Variants in SDK1 observed in about 807,000 individuals in gnomAD.
SDK1 encodes the protein sidekick cell adhesion molecule 1.
SDK1 carries 157 observed loss-of-function variants against 245.5 expected under a neutral mutation model. The observed-to-expected ratio is 0.64, with a 90% CI of 0.56 to 0.73. The LOEUF is 0.73. Ranked by LOEUF, SDK1 falls within the 30% of genes least tolerant of loss-of-function variation. The probability of loss-of-function intolerance (pLI) is 0.00; values close to 1 mark genes in which losing one functional copy is unlikely to be tolerated. For missense variants in SDK1, 3,583 were observed against 3,002.3 expected, an observed-to-expected ratio of 1.19 and a Z score of -4.52; for synonymous variants, 1,647 against 1,278.5, an observed-to-expected ratio of 1.29 and a Z score of -6.15.
chr7:3,471,030 C>T (rs954049431), intron 1 of SDK1, among the ~76,000 whole-genome samples: 1 of 152,150 alleles, frequency 6.6e-6, no homozygotes. Flanking sequence ...AGTTGACCAA[C>T]AAGATTCCAT....
At chr7:3,448,273 C>T (rs543807502) in intron 1 of SDK1, among the ~76,000 whole-genome samples, 4 of 152,106 alleles carry the variant, frequency 2.6e-5, no homozygotes, top group South Asian at 2.1e-4. Context: ...TGAAGTTGAA[C>T]GGCTTATGTT....
intron 5 of SDK1, among the ~76,000 whole-genome samples, chr7:3,919,734 C>G (rs187951547): frequency 6.6e-6 from 1 of 152,186 alleles, no homozygotes; most frequent in African/African-American, 2.4e-5. Flanking sequence ...CTTGAAAGAA[C>G]GTATGGTTTT....
chr7:4,011,232 A>G, intron 15 of SDK1, 119 bp downstream of exon 15: 1 of 1,277,594 alleles, frequency 7.8e-7, no homozygotes, highest in Non-Finnish European at 1.1e-6. Flanking sequence ...CCTCAGGGAG[A>G]CGGGACAAAC....
intron 13 of SDK1, among the ~76,000 whole-genome samples, chr7:3,977,373 C>T (rs1455505751): frequency 1.6e-5 from 2 of 122,454 alleles, no homozygotes; most frequent in East Asian, 2.0e-4. Flanking sequence ...GAGGCTGCCA[C>T]ACAGACGGTC....
At chr7:4,196,280 A>G (rs1020972211) in intron 35 of SDK1, among the ~76,000 whole-genome samples, 9 of 152,138 alleles carry the variant, frequency 5.9e-5, no homozygotes, top group African/African-American at 2.2e-4. Context: ...GCCCTCGCTC[A>G]GACCACCCTC....
intron 5 of SDK1, among the ~76,000 whole-genome samples, chr7:3,943,358 C>CCTCCT: frequency 2.4e-4 from 1 of 4,238 alleles, no homozygotes; most frequent in Non-Finnish European, 5.6e-4. Flanking sequence ...GCCTCTGCCT[C>CCTCCT]CCCGTCCCCT....
At chr7:3,535,448 C>G (rs1778854719) in intron 1 of SDK1, among the ~76,000 whole-genome samples, 2 of 152,082 alleles carry the variant, frequency 1.3e-5, no homozygotes, top group African/African-American at 2.4e-5. Flanking sequence ...TACTTTGCAC[C>G]ATATGGCTGC....
chr7:3,531,362 A>T (rs1486007001), intron 1 of SDK1, among the ~76,000 whole-genome samples: 1 of 152,246 alleles, frequency 6.6e-6, no homozygotes, highest in Non-Finnish European at 1.5e-5. Flanking sequence ...AGTAGTAAGA[A>T]ATATGACAGA....
intron 16 of SDK1, among the ~76,000 whole-genome samples, chr7:4,012,461 A>G (rs977134943): frequency 2.0e-5 from 3 of 150,086 alleles, no homozygotes; most frequent in Middle Eastern, 3.2e-3. Flanking sequence ...TAAATGACAC[A>G]CACAAAACTG....
intron 27 of SDK1, among the ~76,000 whole-genome samples, chr7:4,131,283 G>GC (rs1243982498): frequency 6.6e-6 from 1 of 152,194 alleles, no homozygotes; most frequent in African/African-American, 2.4e-5. Flanking sequence ...CTGTAGACAT[G>GC]CCTTCCTCCT....
intron 1 of SDK1, among the ~76,000 whole-genome samples, chr7:3,377,770 CATTT>C (rs1200962613): frequency 1.3e-5 from 2 of 151,894 alleles, no homozygotes; most frequent in Non-Finnish European, 2.9e-5. Flanking sequence ...TTTATTTTAT[CATTT>C]ATTTATTATA....
At chr7:3,785,155 C>T (rs1780860464) in intron 4 of SDK1, among the ~76,000 whole-genome samples, 1 of 152,194 alleles carries the variant, frequency 6.6e-6, no homozygotes, top group Non-Finnish European at 1.5e-5. Context: ...GAAACAATAA[C>T]TCATAGCAGC....
At chr7:3,527,880 G>C (rs1469261114) in intron 1 of SDK1, among the ~76,000 whole-genome samples, 7 of 150,552 alleles carry the variant, frequency 4.6e-5, no homozygotes, top group Non-Finnish European at 8.9e-5. Flanking sequence ...TAGTCAGCTA[G>C]AGAGTGAATG....
chr7:3,949,475 A>T (rs914675005), intron 5 of SDK1, among the ~76,000 whole-genome samples: 8 of 152,214 alleles, frequency 5.3e-5, no homozygotes, highest in African/African-American at 1.9e-4. Context: ...CGGGCAGGCT[A>T]GAACCTTTCA....
At chr7:3,807,015 C>G (rs1381400641) in intron 4 of SDK1, among the ~76,000 whole-genome samples, 2 of 152,116 alleles carry the variant, frequency 1.3e-5, no homozygotes, top group Admixed American at 1.3e-4. Flanking sequence ...GTATTTCACC[C>G]AGGCAAATCT....
chr7:3,783,681 T>G (rs1780818052), intron 4 of SDK1, among the ~76,000 whole-genome samples: 1 of 152,140 alleles, frequency 6.6e-6, no homozygotes, highest in Non-Finnish European at 1.5e-5. Context: ...CACTGAAAAC[T>G]AGAAAATGTT....
At chr7:3,986,583 G>T (rs185617239) in intron 13 of SDK1, among the ~76,000 whole-genome samples, 16 of 152,090 alleles carry the variant, frequency 1.1e-4, no homozygotes, top group African/African-American at 3.6e-4. Flanking sequence ...TGTGTAGGCC[G>T]GGCATGGTGG....
intron 1 of SDK1, among the ~76,000 whole-genome samples, chr7:3,595,899 T>C (rs1781044989): frequency 6.8e-6 from 1 of 148,034 alleles, no homozygotes; most frequent in Non-Finnish European, 1.5e-5. Context: ...TGTTGTCTAG[T>C]TACTAGTCAA....
At chr7:3,892,199 A>G (rs1781477479) in intron 5 of SDK1, among the ~76,000 whole-genome samples, 2 of 152,084 alleles carry the variant, frequency 1.3e-5, no homozygotes, top group Admixed American at 6.6e-5. Context: ...CTGTGTACCA[A>G]TTTCTGTATT....
Sources: allele counts gnomAD v4.1 joint callset (sites outside exome capture counted in the v4.1 genomes callset), GRCh38; gene constraint gnomAD v4.1.1; transcripts MANE v1.5; gene names NCBI Gene and HGNC (gene_info 2026-07-23, HGNC 2026-07-21).